The following PKP2 variants were observed in gnomAD, a reference collection of about 807,000 sequenced individuals.
The protein encoded by PKP2 is plakophilin 2.
A neutral mutation model predicts 83.4 loss-of-function variants in PKP2; 73 were observed. The observed-to-expected ratio is 0.88, with a 90% CI of 0.72 to 1.06. The LOEUF (loss-of-function observed/expected upper bound fraction) is 1.06, where lower values mean the gene tolerates loss of function less well. Among genes scored for constraint, PKP2 ranks in the 50% least tolerant of loss-of-function variants. The pLI, the probability that PKP2 is intolerant of heterozygous loss-of-function variation, is 0.00. For synonymous variants in PKP2, 409 were observed against 430.4 expected (o/e 0.95, Z 0.62); for missense variants, 966 against 1,065.4 (o/e 0.91, Z 1.30).
intron 1 of PKP2, chr12:32,893,399 TA>T (rs1957092509): frequency 6.6e-6 from 1 of 152,174 alleles, no homozygotes; most frequent in Non-Finnish European, 1.5e-5. Flanking sequence ...ATGGAAATAA[TA>T]AAAATTATAC....
intron 6 of PKP2, among the ~76,000 whole-genome samples, chr12:32,835,649 T>C (rs1023242808): frequency 6.6e-6 from 1 of 152,202 alleles, no homozygotes; most frequent in African/African-American, 2.4e-5. Context: ...GTTTCTTCTT[T>C]GAAAAGGAAT....
rs779046033 is a variant in PKP2 at position 32,796,434 on chromosome 12, G to A, written c.2168-136C>T. The stretch of plus-strand genomic sequence containing the variant: ...ATCTTGCTCTGTTGCCCAGGCTGGA[G>A]TGCAGTGGCACCATCTTGGCTCACT... On this transcript the variant is annotated intron_variant, in intron 10 of 12. Coordinates refer to ENST00000340811, the MANE Select transcript of PKP2 (RefSeq NM_001005242.3). 1.3e-4 allele frequency: 101 copies of A among 785,668 alleles called. 1 individual carries two copies. Among genetic ancestry groups the A allele is most frequent in the Non-Finnish European group, 2.0e-4 (98 of 483,994 alleles). 48.7% of individuals were successfully genotyped at this position (785,668 alleles called of 1,614,324 possible).
rs1193396327 is a variant in PKP2 at position 32,791,177 on chromosome 12, C to T, written c.*1247G>A. 6.6e-6 allele frequency: 1 copy of T among 151,850 alleles called. No individual in the cohort carries two copies. Among genetic ancestry groups the T allele is most frequent in the African/African-American group, 2.4e-5 (1 of 41,326 alleles). 9.4% of individuals were successfully genotyped at this position (151,850 alleles called of 1,614,324 possible). On this transcript the variant is annotated 3_prime_UTR_variant, in exon 13 of 13. Coordinates refer to ENST00000340811, the MANE Select transcript of PKP2 (RefSeq NM_001005242.3). Reference sequence around the variant, plus strand: ...TCTATATGAATGGTTTTAATCATAGCGCAGTTAAAACAACATTTAATGTAG... The same window carrying T: ...TCTATATGAATGGTTTTAATCATAGTGCAGTTAAAACAACATTTAATGTAG...
intron 5 of PKP2, among the ~76,000 whole-genome samples, chr12:32,849,518 C>T (rs1956678446): frequency 6.6e-6 from 1 of 152,224 alleles, no homozygotes. Context: ...TGCACCCAGC[C>T]CCTCCTGTAC....
intron 9 of PKP2, among the ~76,000 whole-genome samples, chr12:32,808,308 G>T (rs1324505827): frequency 6.6e-6 from 1 of 151,924 alleles, no homozygotes; most frequent in East Asian, 1.9e-4. Context: ...CCTCCACTTG[G>T]TCTCTTCTGC....
At chr12:32,838,240 T>C (rs372113902) in intron 6 of PKP2, among the ~76,000 whole-genome samples, 27 of 152,110 alleles carry the variant, frequency 1.8e-4, no homozygotes, top group African/African-American at 6.5e-4. Flanking sequence ...AAACCAAATA[T>C]CACATGTTCT....
At chr12:32,862,659 A>G (rs1002788653) in intron 4 of PKP2, among the ~76,000 whole-genome samples, 1 of 151,772 alleles carries the variant, frequency 6.6e-6, no homozygotes, top group Admixed American at 6.6e-5. Context: ...AAGAAAAGAA[A>G]AGAAAAGAAA....
rs61729381 is a variant in PKP2 at position 32,877,941 on chromosome 12, G to A, written c.939C>T (p.Ser313=). 643 of 1,614,114 alleles carry A rather than the reference G, an allele frequency of 4.0e-4. 4 individuals carry two copies. In the African/African-American group the frequency reaches 7.7e-3, roughly 19 times the overall value. Residue 313 remains serine, a synonymous_variant, in exon 3 of 13, where the codon AGC becomes AGT. Coordinates refer to ENST00000340811, the MANE Select transcript of PKP2 (RefSeq NM_001005242.3). The stretch of plus-strand genomic sequence containing the variant: ...CGACAGTCAAGTGCGCTCTCCTCCC[G>A]CTGGAATCCACGGCGACACTGGGCC... ...EAGPSVAVDS[S]GRRAHLTVGQ... is the part of the protein sequence containing the mutation.
At chr12:32,824,600 GA>G (rs1956415885) in intron 6 of PKP2, among the ~76,000 whole-genome samples, 1 of 152,140 alleles carries the variant, frequency 6.6e-6, no homozygotes, top group Non-Finnish European at 1.5e-5. Flanking sequence ...CACTTGTAAA[GA>G]CAGTGTGTTG....
chr12:32,855,587 CA>C (rs1345005730), intron 4 of PKP2, among the ~76,000 whole-genome samples: 2 of 151,856 alleles, frequency 1.3e-5, no homozygotes, highest in Non-Finnish European at 2.9e-5. Flanking sequence ...CCAGCCTGGC[CA>C]ACATAGTGAA....
chr12:32,854,734 A>C, intron 4 of PKP2, among the ~76,000 whole-genome samples: 1 of 152,234 alleles, frequency 6.6e-6, no homozygotes, highest in South Asian at 2.1e-4. Flanking sequence ...AATACATGAA[A>C]GGGCAGAGTC....
chr12:32,839,339 T>A (rs1419232309), intron 6 of PKP2, among the ~76,000 whole-genome samples: 1 of 151,506 alleles, frequency 6.6e-6, no homozygotes, highest in Admixed American at 6.6e-5. Flanking sequence ...AAACTTTCCC[T>A]GTGATTGGCA....
intron 9 of PKP2, among the ~76,000 whole-genome samples, chr12:32,804,683 T>A (rs1454966108): frequency 6.6e-6 from 1 of 152,244 alleles, no homozygotes; most frequent in Admixed American, 6.5e-5. Context: ...TATGACATTT[T>A]CTTTATTCAA....
At chr12:32,846,476 G>A (rs1232332740) in intron 5 of PKP2, among the ~76,000 whole-genome samples, 4 of 152,174 alleles carry the variant, frequency 2.6e-5, no homozygotes. Flanking sequence ...CCAGCACAGT[G>A]GCTCACGCCT....
At chr12:32,841,300 A>G in intron 5 of PKP2, 95 bp from the exon 6 acceptor site, 1 of 1,027,792 alleles carries the variant, frequency 9.7e-7, no homozygotes, top group Non-Finnish European at 1.5e-6. Context: ...CAGGGCTATG[A>G]CTAGTCATAA....
intron 5 of PKP2, among the ~76,000 whole-genome samples, chr12:32,846,362 C>G (rs1195128432): frequency 6.6e-6 from 1 of 152,084 alleles, no homozygotes; most frequent in African/African-American, 2.4e-5. Flanking sequence ...GTCTTTGATC[C>G]TGAAGTTCTT....
intron 6 of PKP2, among the ~76,000 whole-genome samples, chr12:32,833,606 A>G (rs1956520055): frequency 6.6e-6 from 1 of 152,178 alleles, no homozygotes; most frequent in Non-Finnish European, 1.5e-5. Flanking sequence ...AGACAATGAA[A>G]ATTTCTTTTA....
chr12:32,855,979 A>G (rs1956744249), intron 4 of PKP2, among the ~76,000 whole-genome samples: 1 of 151,878 alleles, frequency 6.6e-6, no homozygotes, highest in Non-Finnish European at 1.5e-5. Context: ...TTTTGTGGGG[A>G]CAAAGAAAGC....
At chr12:32,872,050 G>A (rs1290886603) in intron 3 of PKP2, among the ~76,000 whole-genome samples, 2 of 152,106 alleles carry the variant, frequency 1.3e-5, no homozygotes, top group Middle Eastern at 3.2e-3. Context: ...GGGAGATGGC[G>A]ATGGGCCTGG....
Sources: allele counts gnomAD v4.1 joint callset (sites outside exome capture counted in the v4.1 genomes callset), GRCh38; gene constraint gnomAD v4.1.1; transcripts MANE v1.5; gene names NCBI Gene and HGNC (gene_info 2026-07-23, HGNC 2026-07-21).